CPLX4: variants seen among roughly 807,000 people sequenced by gnomAD.
CPLX4 encodes the protein complexin-4.
In CPLX4, 17 loss-of-function variants were observed where a neutral mutation model predicts 16.1. The ratio of observed to expected loss-of-function variants is 1.06; its 90% CI spans 0.72 to 1.59. The LOEUF is 1.59. CPLX4 is among the 40% of genes most tolerant of loss of function. The pLI is 0.00. For missense variants in CPLX4, 193 were observed against 192.9 expected (o/e 1.00, Z 0.00); for synonymous variants, 55 against 57.8 (o/e 0.95, Z 0.22).
Position 59,296,613 on chromosome 18 carries a change from TAA to T in CPLX4, c.*83_*84del. 6.8e-7 allele frequency: 1 copy of T among 1,465,422 alleles called. No individual in the cohort carries two copies. The highest frequency in any genetic ancestry group is 9.3e-7 in the Non-Finnish European group (1 of 1,074,134). 90.8% of individuals were successfully genotyped at this position (1,465,422 alleles called of 1,614,324 possible). A position where few individuals can be genotyped will look rare whatever the true frequency, so the allele number is the denominator to read the frequency against. ...GTTTTCCTAACTGTGTTCACTACAT[TAA>T]AACATGTACTGCTTGAAACGTCCCA... On this transcript the variant is annotated 3_prime_UTR_variant, in exon 3 of 3. Coordinates refer to ENST00000299721, the MANE Select transcript of CPLX4 (RefSeq NM_181654.4).
At chr18:59,311,092 C>T (rs2144189604) in intron 2 of CPLX4, among the ~76,000 whole-genome samples, 1 of 152,174 alleles carries the variant, frequency 6.6e-6, no homozygotes, top group Non-Finnish European at 1.5e-5. Context: ...CCGACTCAAT[C>T]TTCCTGCCTA....
At chr18:59,308,080 T>C (rs2070589855) in intron 2 of CPLX4, among the ~76,000 whole-genome samples, 1 of 152,070 alleles carries the variant, frequency 6.6e-6, no homozygotes, top group African/African-American at 2.4e-5. Context: ...GTCCGGCCTC[T>C]CTCTAAGGAT....
At position 59,307,753 on chromosome 18, in the gene CPLX4, A is replaced by ATTTTTTTTTT. The variant is rs527371314; in HGVS notation, c.255+4922_255+4931dup. On this transcript the variant is annotated intron_variant, in intron 2 of 2. Coordinates refer to ENST00000299721, the MANE Select transcript of CPLX4 (RefSeq NM_181654.4). The stretch of plus-strand genomic sequence containing the variant: ...CTCGCATCCCCACTGTGTTTTTCTG[A>ATTTTTTTTTT]TTTTTTTTTTTTTTTTGAAATGGAG... Among the ~76,000 whole-genome samples, 674 of 130,896 alleles carry ATTTTTTTTTT rather than the reference A, an allele frequency of 5.1e-3. 19 individuals are homozygous for ATTTTTTTTTT. Among genetic ancestry groups the ATTTTTTTTTT allele is most frequent in the African/African-American group, 0.016 (595 of 36,106 alleles). 85.9% of individuals were successfully genotyped at this position (130,896 alleles called of 152,430 possible). A position where few individuals can be genotyped will look rare whatever the true frequency, so the allele number is the denominator to read the frequency against.
chr18:59,309,837 A>G (rs1228935389), intron 2 of CPLX4, among the ~76,000 whole-genome samples: 11 of 116,012 alleles, frequency 9.5e-5, no homozygotes, highest in South Asian at 5.6e-4. Flanking sequence ...AAAAAAAAAA[A>G]AAAAAGAAAA....
At chr18:59,302,420 G>GTGAA (rs34214777) in intron 2 of CPLX4, among the ~76,000 whole-genome samples, 1,654 of 152,322 alleles carry the variant, frequency 0.011, 7 homozygotes, top group Non-Finnish European at 0.015. Context: ...GAACCGTGGC[G>GTGAA]TGAATGAATG....
At position 59,295,475 on chromosome 18, in the gene CPLX4, AC is replaced by A. The variant is rs1238669270; in HGVS notation, c.*1222del. 1 of 151,424 alleles carries A rather than the reference AC, an allele frequency of 6.6e-6. No individual in the cohort carries two copies. Among genetic ancestry groups the A allele is most frequent in the African/African-American group, 2.4e-5 (1 of 41,148 alleles). The allele number at this position is 151,424 out of a possible 1,614,324, so 9.4% of individuals were successfully genotyped here. A position where few individuals can be genotyped will look rare whatever the true frequency, so the allele number is the denominator to read the frequency against. ...AACTTTTTGTACAACACATTTGAGA[AC>A]CCTGGGTTTAGAACAACTTAGACCC... On this transcript the variant is annotated 3_prime_UTR_variant, in exon 3 of 3. Transcript: ENST00000299721.
At chr18:59,312,116 A>C (rs1308766624) in intron 2 of CPLX4, among the ~76,000 whole-genome samples, 1 of 152,158 alleles carries the variant, frequency 6.6e-6, no homozygotes, top group Non-Finnish European at 1.5e-5. Context: ...ATAGAACCTA[A>C]ATGACTTAAT....
At chr18:59,300,369 T>A (rs146045703) in intron 2 of CPLX4, among the ~76,000 whole-genome samples, 1 of 152,172 alleles carries the variant, frequency 6.6e-6, no homozygotes, top group East Asian at 1.9e-4. Flanking sequence ...TTAAAATAAA[T>A]GTTTACTGAA....
In CPLX4 at chr18:59,318,167, G is replaced by A. The variant is rs1456326717; in HGVS notation, c.167+129C>T. On this transcript the variant is annotated intron_variant, in intron 1 of 2. Coordinates refer to ENST00000299721, the MANE Select transcript of CPLX4 (RefSeq NM_181654.4). ...ACTTTAGAAGAACAACCTTTCCTTG[G>A]GTTAGAGGTAAACGGCAAAAGGAAA... 2.8e-6 allele frequency: 4 copies of A among 1,427,372 alleles called. No individual in the cohort carries two copies. In the South Asian group the frequency reaches 5.4e-5, roughly 19 times the overall value. The allele number at this position is 1,427,372 out of a possible 1,614,324, so 88.4% of individuals were successfully genotyped here. A position where few individuals can be genotyped will look rare whatever the true frequency, so the allele number is the denominator to read the frequency against.
chr18:59,297,471 G>T (rs1262199765), intron 2 of CPLX4, among the ~76,000 whole-genome samples: 1 of 151,962 alleles, frequency 6.6e-6, no homozygotes, highest in Non-Finnish European at 1.5e-5. Context: ...GTAGAGACGG[G>T]GTTTCACCAT....
Position 59,312,714 on chromosome 18 carries a change from G to A in CPLX4, c.226C>T (p.His76Tyr). 2 of 1,433,838 alleles carry A rather than the reference G, an allele frequency of 1.4e-6. No individual in the cohort carries two copies. Among genetic ancestry groups the A allele is most frequent in the Non-Finnish European group, 2.0e-6 (2 of 1,015,734 alleles). The allele number at this position is 1,433,838 out of a possible 1,614,324, so 88.8% of individuals were successfully genotyped here. The part of the protein sequence containing the change: ...KKAERACLRV[H>Y]LREKYRLPKS... ...GGGAGCCTGTATTTTTCTCTGAGATGAACTCTGAGGCATGCCCTTTCTGCC... is the reference window on the plus strand; with the variant it reads ...GGGAGCCTGTATTTTTCTCTGAGATAAACTCTGAGGCATGCCCTTTCTGCC... The change falls in exon 2 of 3, where the codon CAT becomes TAT. Residue 76 changes from histidine (H) to tyrosine (Y), a missense_variant. His to Tyr is a moderately conservative substitution (Grantham distance 83). Transcript: ENST00000299721.
At chr18:59,309,822 C>CAAAAAAAAAAAA (rs369580193) in intron 2 of CPLX4, among the ~76,000 whole-genome samples, 1 of 87,028 alleles carries the variant, frequency 1.1e-5, no homozygotes, top group African/African-American at 4.4e-5. Flanking sequence ...GACTCTGTGT[C>CAAAAAAAAAAAA]AAAAAAAAAA....
intron 2 of CPLX4, among the ~76,000 whole-genome samples, chr18:59,308,422 T>C (rs561138374): frequency 2.9e-4 from 44 of 152,012 alleles, no homozygotes; most frequent in African/African-American, 9.9e-4. Context: ...CATGGGAGGA[T>C]AGAAAACGCA....
chr18:59,308,291 C>A (rs1381023108), intron 2 of CPLX4, among the ~76,000 whole-genome samples: 1 of 152,054 alleles, frequency 6.6e-6, no homozygotes, highest in Admixed American at 6.5e-5. Flanking sequence ...TCTCTCAAGG[C>A]CGAAGATTCC....
In CPLX4 at chr18:59,298,500, C is replaced by A. The variant is rs552429680; in HGVS notation, c.256-1575G>T. Among the ~76,000 whole-genome samples, 21 of 152,150 alleles carry A rather than the reference C, an allele frequency of 1.4e-4. 2 individuals carry two copies. In the East Asian group the frequency reaches 4.1e-3, roughly 29 times the overall value. On this transcript the variant is annotated intron_variant, in intron 2 of 2. Coordinates refer to ENST00000299721, the MANE Select transcript of CPLX4 (RefSeq NM_181654.4). ...TTAGAGCCACCTGAATATGTTGTGA[C>A]CAGCCTTAAATTTGTTACCAAAGCT...
intron 2 of CPLX4, among the ~76,000 whole-genome samples, chr18:59,299,828 G>A (rs532505366): frequency 5.9e-4 from 90 of 152,194 alleles, no homozygotes; most frequent in Non-Finnish European, 1.0e-3. Flanking sequence ...AGAGATGCAC[G>A]TGCTGGGACC....
At chr18:59,308,517 A>G (rs1033583111) in intron 2 of CPLX4, among the ~76,000 whole-genome samples, 1 of 126,480 alleles carries the variant, frequency 7.9e-6, no homozygotes, top group African/African-American at 3.0e-5. Flanking sequence ...TTTCCCCCCC[A>G]TCCCATCCAA....
At chr18:59,300,503 G>A (rs1444906074) in intron 2 of CPLX4, among the ~76,000 whole-genome samples, 1 of 152,092 alleles carries the variant, frequency 6.6e-6, no homozygotes, top group Non-Finnish European at 1.5e-5. Flanking sequence ...TTCCATTGGG[G>A]CATCGCAGCC....
chr18:59,311,086 C>T (rs894520425), intron 2 of CPLX4, among the ~76,000 whole-genome samples: 3 of 152,056 alleles, frequency 2.0e-5, no homozygotes, highest in Non-Finnish European at 4.4e-5. Context: ...ATGAATCCGA[C>T]TCAATCTTCC....
Sources: gnomAD v4.1 joint callset for allele counts (sites outside exome capture counted in the v4.1 genomes callset) on GRCh38, gnomAD v4.1.1 for gene constraint, MANE v1.5 for transcripts, NCBI Gene and HGNC (gene_info 2026-07-23, HGNC 2026-07-21) for gene names.